SGCZ: variants seen among roughly 807,000 people sequenced by gnomAD.
The protein encoded by SGCZ is sarcoglycan zeta, also known as zeta-sarcoglycan.
SGCZ carries 40 observed loss-of-function variants against 41.3 expected under a neutral mutation model. The ratio of observed to expected loss-of-function variants is 0.97; its 90% CI spans 0.75 to 1.26. The LOEUF (loss-of-function observed/expected upper bound fraction) is 1.26, where lower values mean the gene tolerates loss of function less well. Ranked by LOEUF, SGCZ falls within the 50% of genes most tolerant of loss-of-function variation. The pLI is 0.00. For synonymous variants in SGCZ, 206 were observed against 137.5 expected (o/e 1.50, Z -3.49); for missense variants, 552 against 369.8 (o/e 1.49, Z -4.04).
intron 4 of SGCZ, among the ~76,000 whole-genome samples, chr8:14,209,838 ATGATTAAGTAAAATATAACC>A (rs1805742322): frequency 8.3e-5 from 1 of 12,058 alleles, no homozygotes; most frequent in African/African-American, 1.9e-3. Context: ...TATAACCTGT[ATGATTAAGTAAAATATAACC>A]TGTATGATTA....
intron 2 of SGCZ, among the ~76,000 whole-genome samples, chr8:14,473,657 G>A (rs924375042): frequency 3.9e-5 from 6 of 152,074 alleles, no homozygotes; most frequent in Non-Finnish European, 5.9e-5. Flanking sequence ...TGAAAAAGCG[G>A]CCGGGCGAGG....
intron 1 of SGCZ, among the ~76,000 whole-genome samples, chr8:14,775,608 T>C (rs1464767812): frequency 6.6e-6 from 1 of 152,106 alleles, no homozygotes; most frequent in Non-Finnish European, 1.5e-5. Context: ...AACTTAACCA[T>C]ATAACACAGT....
chr8:14,320,813 TAA>T (rs1313336320), intron 3 of SGCZ, among the ~76,000 whole-genome samples: 3 of 152,098 alleles, frequency 2.0e-5, no homozygotes, highest in African/African-American at 7.2e-5. Flanking sequence ...CCACCTCACC[TAA>T]GAGTCCTTGA....
chr8:14,786,078 G>GT (rs1800757709), intron 1 of SGCZ, among the ~76,000 whole-genome samples: 1 of 135,260 alleles, frequency 7.4e-6, no homozygotes, highest in African/African-American at 3.4e-5. Context: ...TATCAAGTAA[G>GT]TGGTATACTG....
intron 2 of SGCZ, among the ~76,000 whole-genome samples, chr8:14,361,329 G>A (rs999803404): frequency 3.9e-5 from 6 of 152,126 alleles, no homozygotes; most frequent in African/African-American, 9.7e-5. Context: ...GCAATCAAAC[G>A]TAGATTTGGT....
intron 1 of SGCZ, among the ~76,000 whole-genome samples, chr8:14,722,918 C>A (rs1809935868): frequency 6.6e-6 from 1 of 152,084 alleles, no homozygotes; most frequent in Non-Finnish European, 1.5e-5. Flanking sequence ...AAAGAAAAAA[C>A]TAGAATTTAA....
At chr8:15,046,161 T>C (rs1407083781) in intron 1 of SGCZ, among the ~76,000 whole-genome samples, 1 of 152,086 alleles carries the variant, frequency 6.6e-6, no homozygotes, top group Non-Finnish European at 1.5e-5. Flanking sequence ...CACATGTTTT[T>C]TAAACTAAAG....
chr8:14,862,742 C>T (rs556587974), intron 1 of SGCZ, among the ~76,000 whole-genome samples: 19 of 151,590 alleles, frequency 1.3e-4, no homozygotes, highest in African/African-American at 4.1e-4. Flanking sequence ...TTCAAAGAGG[C>T]CTTTCTCACA....
intron 2 of SGCZ, among the ~76,000 whole-genome samples, chr8:14,441,754 G>A (rs891664648): frequency 2.0e-5 from 3 of 151,892 alleles, no homozygotes; most frequent in Admixed American, 6.6e-5. Flanking sequence ...TCCTTAAAAC[G>A]GTACATCATT....
At chr8:14,956,740 T>C (rs922297173) in intron 1 of SGCZ, among the ~76,000 whole-genome samples, 2 of 152,218 alleles carry the variant, frequency 1.3e-5, no homozygotes, top group African/African-American at 2.4e-5. Flanking sequence ...GTCAGATTTG[T>C]TGTTTGTAAA....
rs567607250 is a variant in SGCZ, at chr8:15,005,286, G to A, written c.39+232299C>T. Among the ~76,000 whole-genome samples the A allele has an allele frequency of 1.1e-4, 16 of 151,292 alleles. 1 individual carries two copies. The South Asian group carries it at 1.3e-3, about 12-fold the overall frequency. ...TTTCAAACCCACATCGTCTGTTTCC[G>A]GAGCCCCCTCCCCACGCCCCCTCCC... is the stretch of plus-strand genomic sequence containing the variant. On this transcript the variant is annotated intron_variant, in intron 1 of 7. Coordinates refer to ENST00000382080, the MANE Select transcript of SGCZ (RefSeq NM_139167.4).
chr8:14,798,923 C>G (rs898580241), intron 1 of SGCZ, among the ~76,000 whole-genome samples: 1 of 151,566 alleles, frequency 6.6e-6, no homozygotes, highest in African/African-American at 2.4e-5. Context: ...AATCTTTTTA[C>G]TAGAGAAAAG....
chr8:14,658,391 T>C (rs1467386420), intron 1 of SGCZ, among the ~76,000 whole-genome samples: 1 of 152,150 alleles, frequency 6.6e-6, no homozygotes, highest in Non-Finnish European at 1.5e-5. Flanking sequence ...AACAGAGTGG[T>C]CCTGTAAATT....
intron 1 of SGCZ, among the ~76,000 whole-genome samples, chr8:15,087,943 A>G (rs1468541492): frequency 1.3e-5 from 2 of 151,486 alleles, no homozygotes; most frequent in African/African-American, 2.4e-5. Context: ...ATAAACATGC[A>G]TGTAAAATGC....
chr8:15,029,302 G>GA (rs1389006776), intron 1 of SGCZ, among the ~76,000 whole-genome samples: 2 of 152,022 alleles, frequency 1.3e-5, no homozygotes, highest in South Asian at 2.1e-4. Flanking sequence ...TTTATATATA[G>GA]AAAAAAACCA....
At chr8:14,444,563 C>CA (rs1223274021) in intron 2 of SGCZ, among the ~76,000 whole-genome samples, 2 of 145,628 alleles carry the variant, frequency 1.4e-5, no homozygotes, top group African/African-American at 2.5e-5. Flanking sequence ...ATCGTAAGAA[C>CA]AAAAAACCAA....
At chr8:14,815,338 A>G (rs1801870904) in intron 1 of SGCZ, among the ~76,000 whole-genome samples, 1 of 152,014 alleles carries the variant, frequency 6.6e-6, no homozygotes, top group Non-Finnish European at 1.5e-5. Flanking sequence ...TTGATAAAAT[A>G]AAATTAATTA....
intron 1 of SGCZ, among the ~76,000 whole-genome samples, chr8:14,984,919 A>G (rs757584201): frequency 2.7e-4 from 27 of 101,364 alleles, no homozygotes; most frequent in Non-Finnish European, 4.5e-4. Context: ...TGCCACCTTC[A>G]TAACTTTTTT....
chr8:14,458,608 T>C (rs541850182), intron 2 of SGCZ, among the ~76,000 whole-genome samples: 4 of 152,264 alleles, frequency 2.6e-5, no homozygotes, highest in Admixed American at 6.5e-5. Context: ...GATAAATACA[T>C]AGATAAGGAA....
Sources: gnomAD v4.1 joint callset for allele counts (sites outside exome capture counted in the v4.1 genomes callset) on GRCh38, gnomAD v4.1.1 for gene constraint, MANE v1.5 for transcripts, NCBI Gene and HGNC (gene_info 2026-07-23, HGNC 2026-07-21) for gene names.